The following ALOX5 variants were observed in gnomAD, a reference collection of about 807,000 sequenced individuals.
ALOX5 encodes the protein polyunsaturated fatty acid 5-lipoxygenase.
Under a neutral mutation model 87.9 loss-of-function variants are expected in ALOX5, and 64 were observed. The observed-to-expected ratio is 0.73, with a 90% confidence interval of 0.60 to 0.90. The LOEUF (loss-of-function observed/expected upper bound fraction) is 0.90, where lower values mean the gene tolerates loss of function less well. ALOX5 is among the 40% of genes least tolerant of loss of function. ALOX5 has a pLI of 0.00. For missense variants in ALOX5, 822 were observed against 907.5 expected, an observed-to-expected ratio of 0.91 and a Z score of 1.21; for synonymous variants, 388 against 355.1, an observed-to-expected ratio of 1.09 and a Z score of -1.04.
In ALOX5 at chr10:45,444,289, G is replaced by T; in HGVS notation, c.1845+3G>T. Reference sequence around the variant, plus strand: ...TGAGCCAGTTCCAGGAAAACGAGGTGAAGCTGGGCAGGGCGGGGCACAGCC... The same window carrying T: ...TGAGCCAGTTCCAGGAAAACGAGGTTAAGCTGGGCAGGGCGGGGCACAGCC... On this transcript the variant is annotated splice_donor_region_variant and intron_variant, in intron 13 of 13. Transcript: ENST00000374391. 6.4e-7 allele frequency: 1 copy of T among 1,551,526 alleles called. No homozygotes were observed. Among genetic ancestry groups the T allele is most frequent in the East Asian group, 2.4e-5 (1 of 41,722 alleles).
intron 8 of ALOX5, among the ~76,000 whole-genome samples, chr10:45,440,946 C>T (rs1158015072): frequency 1.3e-5 from 2 of 152,198 alleles, no homozygotes; most frequent in Non-Finnish European, 2.9e-5. Context: ...CATCACTCTC[C>T]GTCCCTGTTC....
At chr10:45,445,145 CT>C (rs1453190136) in intron 13 of ALOX5, among the ~76,000 whole-genome samples, 1 of 152,228 alleles carries the variant, frequency 6.6e-6, no homozygotes, top group Non-Finnish European at 1.5e-5. Context: ...CCCAGCGCCC[CT>C]GATGGGAGGT....
At chr10:45,444,600 G>A in intron 13 of ALOX5, 1 of 372,496 alleles carries the variant, frequency 2.7e-6, no homozygotes, top group Non-Finnish European at 4.8e-6. Context: ...TGGTACTCCA[G>A]AGGGAATGAC....
In ALOX5 at chr10:45,387,530, CA is replaced by C. The variant is rs562198067; in HGVS notation, c.349+4850del. Among the ~76,000 whole-genome samples, 11 of 152,310 alleles carry C rather than the reference CA, an allele frequency of 7.2e-5. No homozygotes were observed. The East Asian group carries it at 2.1e-3, about 29-fold the overall frequency. On this transcript the variant is annotated intron_variant, in intron 2 of 13. Transcript: ENST00000374391. ...CTGGAGCAAAAAGGCAGCTCTGCAC[CA>C]GGGGCCCTTAGGTCCCTGAAGAGTC...
In ALOX5 at chr10:45,445,560, A is replaced by G; in HGVS notation, c.1898A>G (p.Glu633Gly). The change falls in exon 14 of 14, where the codon GAA (glutamate) becomes GGA (glycine). Residue 633 changes from glutamate to glycine, a missense_variant. By Grantham distance (98) the Glu-to-Gly change is moderately conservative. Transcript: ENST00000374391. The part of the protein sequence containing the change: ...EEHFIEKPVK[E>G]AMARFRKNLE... ...CATTTTATCGAGAAGCCTGTGAAGG[A>G]AGCCATGGCCCGATTCCGCAAGAAC... 3 of 1,614,204 alleles carry G rather than the reference A, an allele frequency of 1.9e-6. No individual in the cohort carries two copies. The highest frequency in any genetic ancestry group is 2.5e-6 in the Non-Finnish European group (3 of 1,180,028).
chr10:45,423,799 C>T (rs1205577246), intron 4 of ALOX5, among the ~76,000 whole-genome samples: 1 of 152,170 alleles, frequency 6.6e-6, no homozygotes, highest in Non-Finnish European at 1.5e-5. Context: ...GAATGGAATT[C>T]AAGGCACTGC....
intron 4 of ALOX5, among the ~76,000 whole-genome samples, chr10:45,421,146 C>T (rs1841492876): frequency 1.3e-5 from 2 of 152,214 alleles, no homozygotes; most frequent in Admixed American, 1.3e-4. Flanking sequence ...TCTTCGAAGC[C>T]CTGAATATTC....
At chr10:45,423,908 C>T (rs1841595248) in intron 4 of ALOX5, 133 bp from the exon 5 acceptor site, 3 of 705,192 alleles carry the variant, frequency 4.3e-6, no homozygotes, top group Middle Eastern at 4.1e-4. Context: ...TTCTGAAAAG[C>T]CAGTCACCTA....
Position 45,425,266 on chromosome 10 carries a change from T to A in ALOX5, c.834+134T>A. On this transcript the variant is annotated intron_variant, in intron 6 of 13. Coordinates refer to ENST00000374391, the MANE Select transcript of ALOX5 (RefSeq NM_000698.5). This position sits in a 1 kb window ranked among gnomAD's most constrained non-coding sequence, Gnocchi z 4.4. Reference sequence around the variant, plus strand: ...TCTGGCCTACAGCAGCCGCTTCCTTTTCCTGGCAGCAGTGTCAGCCAGGGT... The same window carrying A: ...TCTGGCCTACAGCAGCCGCTTCCTTATCCTGGCAGCAGTGTCAGCCAGGGT... The A allele has an allele frequency of 9.2e-7, 1 of 1,083,436 alleles. No individual in the cohort carries two copies. The highest frequency in any genetic ancestry group is 1.3e-6 in the Non-Finnish European group (1 of 776,550). 67.1% of individuals were successfully genotyped at this position (1,083,436 alleles called of 1,614,324 possible). A position where few individuals can be genotyped will look rare whatever the true frequency, so the allele number is the denominator to read the frequency against.
chr10:45,380,988 C>G (rs1372390929), intron 1 of ALOX5, among the ~76,000 whole-genome samples: 2 of 152,262 alleles, frequency 1.3e-5, no homozygotes, highest in Non-Finnish European at 2.9e-5. Context: ...CCGGGGCTTT[C>G]CAAACCTGCT....
chr10:45,419,724 G>A (rs1426547053), intron 4 of ALOX5, among the ~76,000 whole-genome samples: 1 of 97,256 alleles, frequency 1.0e-5, no homozygotes, highest in Non-Finnish European at 2.2e-5. Context: ...GGGCGGCAGA[G>A]TGAGACCCTG....
Position 45,375,375 on chromosome 10 carries a change from C to T in ALOX5, c.150+946C>T, listed in dbSNP as rs145120608. On this transcript the variant is annotated intron_variant, in intron 1 of 13. Transcript: ENST00000374391. ...CTTTAATGAAGTGCCTAATCCAGTACCTGGCACAGAGGAAGCGCTCCGTAA... is the reference window on the plus strand; with the variant it reads ...CTTTAATGAAGTGCCTAATCCAGTATCTGGCACAGAGGAAGCGCTCCGTAA... Among the ~76,000 whole-genome samples the T allele has an allele frequency of 4.6e-5, 7 of 152,310 alleles. No individual in the cohort carries two copies. In the East Asian group the frequency reaches 1.3e-3, roughly 29 times the overall value.
chr10:45,423,619 A>G (rs2132802495), intron 4 of ALOX5, among the ~76,000 whole-genome samples: 1 of 152,362 alleles, frequency 6.6e-6, no homozygotes, highest in Non-Finnish European at 1.5e-5. Context: ...ACACGGAGCC[A>G]TTTAGCAGAA....
chr10:45,405,884 G>A lies in ALOX5; in HGVS notation c.432-6307G>A, dbSNP rs184979202. On this transcript the variant is annotated intron_variant, in intron 3 of 13. Transcript: ENST00000374391. The stretch of plus-strand genomic sequence containing the variant: ...CTCCCAAGTAGCTGGGGCTACAGGC[G>A]TGCGCCACCATGCCCCACTCCTGCC... Among the ~76,000 whole-genome samples the A allele has an allele frequency of 2.6e-5, 4 of 152,100 alleles. No homozygotes were observed. The South Asian group carries it at 6.2e-4, about 24-fold the overall frequency.
chr10:45,374,251 C>G lies in ALOX5; in HGVS notation c.-29C>G, dbSNP rs953779625. 8 of 1,454,146 alleles carry G rather than the reference C, an allele frequency of 5.5e-6. No homozygotes were observed. The highest frequency in any genetic ancestry group is 7.3e-6 in the Non-Finnish European group (8 of 1,102,640). 90.1% of individuals were successfully genotyped at this position (1,454,146 alleles called of 1,614,324 possible). A position where few individuals can be genotyped will look rare whatever the true frequency, so the allele number is the denominator to read the frequency against. ...ACCTGGACCGCCGCGCCGAGGCTCC[C>G]GGCGCTCGCTGCTCCCGCGGCCCGC... On this transcript the variant is annotated 5_prime_UTR_variant, in exon 1 of 14. Transcript: ENST00000374391.
chr10:45,403,925 C>G (rs1315505066), intron 3 of ALOX5, among the ~76,000 whole-genome samples: 5 of 152,184 alleles, frequency 3.3e-5, no homozygotes, highest in African/African-American at 1.2e-4. Flanking sequence ...GCAGCCAGTT[C>G]TCAGAGCACT....
At chr10:45,407,562 G>A (rs143536550) in intron 3 of ALOX5, among the ~76,000 whole-genome samples, 2 of 152,268 alleles carry the variant, frequency 1.3e-5, no homozygotes, top group East Asian at 1.9e-4. Flanking sequence ...GGAAAAGGGC[G>A]GGATATTGAG....
intron 3 of ALOX5, among the ~76,000 whole-genome samples, chr10:45,409,777 C>A (rs921083041): frequency 6.6e-6 from 1 of 152,344 alleles, no homozygotes; most frequent in East Asian, 1.9e-4. Context: ...GGCTCCTGTG[C>A]AGGTCAGCCT....
At position 45,412,271 on chromosome 10, in the gene ALOX5, A is replaced by G. The variant is rs760364642; in HGVS notation, c.512A>G (p.Asp171Gly). The change falls in exon 4 of 14, where the codon GAT becomes GGT. Residue 171 changes from aspartate to glycine, a missense_variant. Transcript: ENST00000374391. ...HKDLPRDIQF[D>G]SEKGVDFVLN... ...GATTTACCCCGTGATATCCAGTTTGATAGTGAAAAAGGAGTGGACTTTGTT... is the reference window on the plus strand; with the variant it reads ...GATTTACCCCGTGATATCCAGTTTGGTAGTGAAAAAGGAGTGGACTTTGTT... The G allele has an allele frequency of 6.2e-6, 10 of 1,614,028 alleles. No individual in the cohort carries two copies. The highest frequency in any genetic ancestry group is 1.6e-4 in the Middle Eastern group (1 of 6,084).
Sources: gnomAD v4.1 joint callset for allele counts (sites outside exome capture counted in the v4.1 genomes callset) on GRCh38, gnomAD v4.1.1 for gene constraint, Gnocchi (gnomAD v3.1) non-coding constraint, MANE v1.5 for transcripts, NCBI Gene and HGNC (gene_info 2026-07-23, HGNC 2026-07-21) for gene names.